Variants in MKLN1 observed in about 807,000 individuals in gnomAD.
MKLN1 encodes the protein muskelin.
In MKLN1, 18 loss-of-function variants were observed where a neutral mutation model predicts 99.0. The ratio of observed to expected loss-of-function variants is 0.18; its 90% CI spans 0.13 to 0.27. The LOEUF (loss-of-function observed/expected upper bound fraction) is 0.27. Among genes scored for constraint, MKLN1 ranks in the 10% least tolerant of loss-of-function variants. The probability of loss-of-function intolerance (pLI) is 1.00; values close to 1 mark genes in which losing one functional copy is unlikely to be tolerated. For synonymous variants in MKLN1, 288 were observed against 293.2 expected, an observed-to-expected ratio of 0.98 and a Z score of 0.18; for missense variants, 621 against 875.9, an observed-to-expected ratio of 0.71 and a Z score of 3.67.
upstream of MKLN1, among the ~76,000 whole-genome samples, chr7:131,323,004 C>G (rs777545077): frequency 2.8e-4 from 43 of 152,200 alleles, no homozygotes; most frequent in Non-Finnish European, 5.7e-4. Context: ...GATTACAATT[C>G]GAGATGACAT....
intron 1 of MKLN1, among the ~76,000 whole-genome samples, chr7:131,363,782 G>A (rs1030095972): frequency 1.4e-5 from 2 of 147,300 alleles, no homozygotes; most frequent in South Asian, 2.1e-4. Flanking sequence ...CTGTCCTGCC[G>A]TGTCACCACC....
At chr7:131,120,208 C>A (rs973427951) in intron 1 of MKLN1, among the ~76,000 whole-genome samples, 1 of 141,986 alleles carries the variant, frequency 7.0e-6, no homozygotes, top group Non-Finnish European at 1.5e-5. Context: ...CAGGCCATAT[C>A]TTGAATGCTT....
intron 2 of MKLN1, among the ~76,000 whole-genome samples, chr7:131,152,767 C>G (rs1037072284): frequency 2.0e-5 from 3 of 151,966 alleles, no homozygotes; most frequent in African/African-American, 7.2e-5. Context: ...CAAAGTATAA[C>G]TTACTTTTGT....
intron 3 of MKLN1, among the ~76,000 whole-genome samples, chr7:131,295,156 T>A (rs1798272113): frequency 6.6e-6 from 1 of 152,162 alleles, no homozygotes; most frequent in Non-Finnish European, 1.5e-5. Context: ...TTAATTTTAA[T>A]TTTTGCTCTT....
intron 2 of MKLN1, among the ~76,000 whole-genome samples, chr7:131,384,769 A>G (rs1793957988): frequency 6.6e-6 from 1 of 152,222 alleles, no homozygotes; most frequent in Non-Finnish European, 1.5e-5. Flanking sequence ...TGAATGAGCT[A>G]ATGCATGTAA....
intron 2 of MKLN1, among the ~76,000 whole-genome samples, chr7:131,176,350 T>C (rs1438536355): frequency 6.6e-6 from 1 of 152,200 alleles, no homozygotes; most frequent in African/African-American, 2.4e-5. Flanking sequence ...ATTTTGTGGG[T>C]TTTTAAAAAG....
intron 2 of MKLN1, among the ~76,000 whole-genome samples, chr7:131,162,925 A>G (rs1452314960): frequency 1.3e-5 from 2 of 152,344 alleles, no homozygotes; most frequent in East Asian, 1.9e-4. Flanking sequence ...TAAATCACAC[A>G]TGTGGCTCAC....
upstream of MKLN1, among the ~76,000 whole-genome samples, chr7:131,322,984 G>A (rs539750679): frequency 1.1e-4 from 16 of 152,290 alleles, no homozygotes; most frequent in South Asian, 3.1e-3. Flanking sequence ...CTTCTCCCCC[G>A]ACACGTGGGG....
chr7:131,412,300 T>A (rs965510540), intron 7 of MKLN1, among the ~76,000 whole-genome samples: 1 of 152,208 alleles, frequency 6.6e-6, no homozygotes, highest in Non-Finnish European at 1.5e-5. Context: ...AATTATAGGC[T>A]GTGTTGTAAT....
chr7:131,376,140 G>GTATGTATGTATGTATGT (rs71174943), intron 2 of MKLN1, among the ~76,000 whole-genome samples: 19 of 124,216 alleles, frequency 1.5e-4, no homozygotes, highest in South Asian at 2.7e-4. Flanking sequence ...ATATATGTAT[G>GTATGTATGTATGTATGT]ATGTATGTAT....
intron 3 of MKLN1, among the ~76,000 whole-genome samples, chr7:131,208,041 A>G (rs569895422): frequency 3.3e-4 from 51 of 152,298 alleles, no homozygotes; most frequent in African/African-American, 1.1e-3. Context: ...GTTTCTTTTC[A>G]ATTGTCCCAG....
At chr7:131,179,556 C>CATTATT (rs146282031) in intron 2 of MKLN1, among the ~76,000 whole-genome samples, 72,749 of 150,308 alleles carry the variant, frequency 0.48, 17,574 homozygotes, top group Middle Eastern at 0.52. Context: ...TTAAAAGAGA[C>CATTATT]ATTATTATTA....
chr7:131,164,296 G>T lies in MKLN1; in HGVS notation c.-297+21355G>T, dbSNP rs115959255. On this transcript the variant is annotated intron_variant, in intron 2 of 7. Transcript: ENST00000416992. ...CTAGCTAATTTTTGTATCTTTTTTG[G>T]TAGAGATGTGGTCTCACTATGTTAG... 6.8e-3 allele frequency among the ~76,000 whole-genome samples: 1,033 copies of T among 152,142 alleles called. 14 individuals are homozygous for T. The highest frequency in any genetic ancestry group is 0.023 in the African/African-American group (971 of 41,512).
intron 2 of MKLN1, among the ~76,000 whole-genome samples, chr7:131,164,472 A>T (rs914621879): frequency 6.6e-6 from 1 of 152,196 alleles, no homozygotes; most frequent in Non-Finnish European, 1.5e-5. Flanking sequence ...ACCAAGAAAC[A>T]TGGCAACTGG....
At chr7:131,445,129 TATTA>T (rs1795971731) in intron 11 of MKLN1, among the ~76,000 whole-genome samples, 1 of 152,178 alleles carries the variant, frequency 6.6e-6, no homozygotes. Context: ...AAAAAGTATG[TATTA>T]AAATCATTAG....
chr7:131,276,175 C>A (rs1481015740), intron 3 of MKLN1, among the ~76,000 whole-genome samples: 1 of 152,204 alleles, frequency 6.6e-6, no homozygotes, highest in East Asian at 1.9e-4. Flanking sequence ...CTCCAGTGTC[C>A]CCCTCTCCTT....
At chr7:131,271,787 C>A (rs753459931) in intron 3 of MKLN1, among the ~76,000 whole-genome samples, 29 of 150,934 alleles carry the variant, frequency 1.9e-4, no homozygotes, top group Non-Finnish European at 3.7e-4. Flanking sequence ...TGCGCACCTG[C>A]TGTTCCAGCT....
intron 2 of MKLN1, among the ~76,000 whole-genome samples, chr7:131,183,048 G>A (rs535397983): frequency 3.3e-5 from 5 of 152,136 alleles, no homozygotes; most frequent in Non-Finnish European, 7.3e-5. Context: ...AGGTGGATGT[G>A]GAGTGGTTTT....
intron 2 of MKLN1, among the ~76,000 whole-genome samples, chr7:131,178,264 C>T (rs1300480629): frequency 6.8e-6 from 1 of 146,948 alleles, no homozygotes. Context: ...TTACAGGCGC[C>T]TGCCACATGC....
Sources: gnomAD v4.1 joint callset for allele counts (sites outside exome capture counted in the v4.1 genomes callset) on GRCh38, gnomAD v4.1.1 for gene constraint, MANE v1.5 for transcripts, NCBI Gene and HGNC (gene_info 2026-07-23, HGNC 2026-07-21) for gene names.